Variants in ARHGEF10L observed in about 807,000 individuals in gnomAD.
ARHGEF10L encodes the protein Rho guanine nucleotide exchange factor 10 like.
A neutral mutation model predicts 141.2 loss-of-function variants in ARHGEF10L; 69 were observed. The observed-to-expected ratio is 0.49, with a 90% confidence interval of 0.40 to 0.60. ARHGEF10L has a LOEUF of 0.60. ARHGEF10L is among the 20% of genes least tolerant of loss of function. The probability of loss-of-function intolerance (pLI) is 0.00; values close to 1 mark genes in which losing one functional copy is unlikely to be tolerated. For synonymous variants in ARHGEF10L, 711 were observed against 718.5 expected (o/e 0.99, Z 0.17); for missense variants, 1,482 against 1,734.3 (o/e 0.85, Z 2.58).
intron 22 of ARHGEF10L, among the ~76,000 whole-genome samples, chr1:17,651,912 A>G (rs1190133537): frequency 6.6e-6 from 1 of 152,052 alleles, no homozygotes; most frequent in Non-Finnish European, 1.5e-5. Context: ...GTCCAGACAA[A>G]TGTGCCCCAT....
At chr1:17,571,980 A>G (rs1202904688) in intron 1 of ARHGEF10L, among the ~76,000 whole-genome samples, 1 of 152,228 alleles carries the variant, frequency 6.6e-6, no homozygotes, top group Non-Finnish European at 1.5e-5. Flanking sequence ...GCATCAGCTC[A>G]GAGGCCAGTT....
the ARHGEF10L span, among the ~76,000 whole-genome samples, chr1:17,513,794 T>C: frequency 6.6e-6 from 1 of 152,240 alleles, no homozygotes; most frequent in East Asian, 1.9e-4. Flanking sequence ...GGAAATTCTT[T>C]CTTTTTTTCT....
chr1:17,522,360 G>A, the ARHGEF10L span, among the ~76,000 whole-genome samples: 1 of 152,234 alleles, frequency 6.6e-6, no homozygotes, highest in Non-Finnish European at 1.5e-5. Context: ...AGCCTGGGGA[G>A]CTGGGAAGGG....
the ARHGEF10L span, among the ~76,000 whole-genome samples, chr1:17,529,516 G>T: frequency 1.3e-5 from 2 of 152,236 alleles, no homozygotes; most frequent in South Asian, 4.1e-4. Flanking sequence ...CTTCTGGGCT[G>T]GGTCTAAGGG....
Position 17,632,312 on chromosome 1 carries a change from C to T in ARHGEF10L, c.1585-9C>T. ...ATGCTGATGCTGACCTTCCCTGCCC[C>T]TCCTCCAGCTGTTGACCTCAGGCCA... On this transcript the variant is annotated splice_polypyrimidine_tract_variant and intron_variant, in intron 15 of 28. Transcript: ENST00000361221. 6.2e-7 allele frequency: 1 copy of T among 1,613,714 alleles called. No individual in the cohort carries two copies. The highest frequency in any genetic ancestry group is 8.5e-7 in the Non-Finnish European group (1 of 1,179,998).
intron 1 of ARHGEF10L, among the ~76,000 whole-genome samples, chr1:17,556,269 CGG>C (rs1211315576): frequency 5.9e-4 from 5 of 8,510 alleles, no homozygotes; most frequent in African/African-American, 5.0e-4. Context: ...GGGAGCATGG[CGG>C]CGGGGGGGGG....
At chr1:17,596,665 G>T (rs986856089) in intron 4 of ARHGEF10L, among the ~76,000 whole-genome samples, 24 of 152,212 alleles carry the variant, frequency 1.6e-4, no homozygotes, top group African/African-American at 5.8e-4. Context: ...GACCCTTGGA[G>T]GTTCACTGAG....
At chr1:17,613,009 C>T (rs772609910) in intron 7 of ARHGEF10L, 49 bp from the exon 8 acceptor site, 1 of 1,302,914 alleles carries the variant, frequency 7.7e-7, no homozygotes, top group East Asian at 2.3e-5. Flanking sequence ...TCCTGTCCCG[C>T]CTGCTCCTCT....
intron 26 of ARHGEF10L, among the ~76,000 whole-genome samples, chr1:17,671,206 G>A (rs2063302414): frequency 6.6e-6 from 1 of 152,232 alleles, no homozygotes; most frequent in Non-Finnish European, 1.5e-5. Flanking sequence ...GCGGTCGCAG[G>A]GCCCTCGCAG....
chr1:17,529,824 CTTTTT>C, the ARHGEF10L span, among the ~76,000 whole-genome samples: 1 of 67,156 alleles, frequency 1.5e-5, no homozygotes, highest in Non-Finnish European at 2.7e-5. Context: ...ACACATCAGT[CTTTTT>C]TTTTTTTTTT....
chr1:17,616,746 T>G (rs1258653962), intron 9 of ARHGEF10L, among the ~76,000 whole-genome samples: 8 of 151,936 alleles, frequency 5.3e-5, no homozygotes, highest in Non-Finnish European at 1.2e-4. Flanking sequence ...CTGGGGGGCA[T>G]GGAGGAAATG....
At chr1:17,527,780 G>A in the ARHGEF10L span, among the ~76,000 whole-genome samples, 308 of 151,750 alleles carry the variant, frequency 2.0e-3, 1 homozygote, top group African/African-American at 7.1e-3. Flanking sequence ...TCCAGTTTCC[G>A]ACCTATTCAC....
chr1:17,521,069 A>G, the ARHGEF10L span, among the ~76,000 whole-genome samples: 1 of 152,102 alleles, frequency 6.6e-6, no homozygotes, highest in African/African-American at 2.4e-5. Context: ...GCCATTTCAC[A>G]GGGGGATTTT....
chr1:17,543,823 T>C (rs1217784932), intron 1 of ARHGEF10L, among the ~76,000 whole-genome samples: 1 of 150,424 alleles, frequency 6.6e-6, no homozygotes, highest in Non-Finnish European at 1.5e-5. Flanking sequence ...AATTTTTGTA[T>C]TTTTAGTAGA....
chr1:17,670,282 T>C (rs528107038), intron 26 of ARHGEF10L, among the ~76,000 whole-genome samples: 1 of 152,362 alleles, frequency 6.6e-6, no homozygotes, highest in East Asian at 1.9e-4. Flanking sequence ...ACCCGCGGTC[T>C]GTCTCTGGGT....
chr1:17,589,647 A>C (rs536943289), intron 4 of ARHGEF10L, among the ~76,000 whole-genome samples: 18 of 152,184 alleles, frequency 1.2e-4, no homozygotes, highest in African/African-American at 3.9e-4. Context: ...CTATGTAATT[A>C]AGGTGAGAAT....
intron 25 of ARHGEF10L, 52 bp from the exon 26 acceptor site, chr1:17,664,395 A>G: frequency 6.4e-7 from 1 of 1,574,048 alleles, no homozygotes; most frequent in Non-Finnish European, 8.6e-7. Context: ...CGTTCCCAGG[A>G]GACCTGCTTG....
chr1:17,647,888 G>T (rs1209813033), intron 21 of ARHGEF10L, among the ~76,000 whole-genome samples: 1 of 152,158 alleles, frequency 6.6e-6, no homozygotes. Flanking sequence ...GTGACCTCCC[G>T]TGGTGAGTCC....
At chr1:17,525,404 C>T in the ARHGEF10L span, among the ~76,000 whole-genome samples, 2 of 152,182 alleles carry the variant, frequency 1.3e-5, no homozygotes, top group East Asian at 3.8e-4. Flanking sequence ...GCCTCTGCTC[C>T]CCACGCCATT....
Sources: allele counts gnomAD v4.1 joint callset (sites outside exome capture counted in the v4.1 genomes callset), GRCh38; gene constraint gnomAD v4.1.1; transcripts MANE v1.5; gene names NCBI Gene and HGNC (gene_info 2026-07-23, HGNC 2026-07-21).